Variants in RALYL observed in about 807,000 individuals in gnomAD.
RALYL encodes RALY RNA binding protein like.
A neutral mutation model predicts 35.1 loss-of-function variants in RALYL; 29 were observed. That is an observed-to-expected ratio of 0.83 (90% confidence interval 0.61 to 1.13). The LOEUF (loss-of-function observed/expected upper bound fraction) is 1.13, where lower values mean the gene tolerates loss of function less well. Among genes scored for constraint, RALYL ranks in the 50% most tolerant of loss-of-function variants. The pLI, the probability that RALYL is intolerant of heterozygous loss-of-function variation, is 0.00. For missense variants in RALYL, 359 were observed against 360.4 expected (o/e 1.00, Z 0.03); for synonymous variants, 120 against 127.6 (o/e 0.94, Z 0.40).
At chr8:84,607,769 C>T (rs1386818309) in intron 2 of RALYL, among the ~76,000 whole-genome samples, 1 of 152,036 alleles carries the variant, frequency 6.6e-6, no homozygotes, top group Non-Finnish European at 1.5e-5. Flanking sequence ...AGATCCTCCG[C>T]CCTTCTTGTC....
At chr8:84,820,295 T>G (rs1329715992) in intron 4 of RALYL, among the ~76,000 whole-genome samples, 1 of 152,224 alleles carries the variant, frequency 6.6e-6, no homozygotes, top group Non-Finnish European at 1.5e-5. Flanking sequence ...CTTCATAACA[T>G]GCAAGTCTAA....
rs16912592 is a variant in RALYL, at chr8:84,244,359, A to T, written c.-24+59935A>T. 8.3e-3 allele frequency among the ~76,000 whole-genome samples: 1,264 copies of T among 152,316 alleles called. 23 individuals carry two copies. The highest frequency in any genetic ancestry group is 0.029 in the African/African-American group (1,220 of 41,566). ...ATAATATCTTCCAAATAATTTTGAT[A>T]TACCAAGCAAACAGTGTACATGAGG... On this transcript the variant is annotated intron_variant, in intron 1 of 8. Transcript: ENST00000521268.
rs775724948 is a variant in RALYL, at chr8:84,577,271, GTTGA to G, written c.256+47699_256+47702del. Among the ~76,000 whole-genome samples the G allele has an allele frequency of 3.3e-5, 5 of 152,324 alleles. No individual in the cohort carries two copies. The East Asian group carries it at 5.8e-4, about 18-fold the overall frequency. ...AAGGTACATTCACAAAGTTCAAGTAGTTGATTGACTGAAGCTGAGCAGGAAAGGC... is the reference window on the plus strand; with the variant it reads ...AAGGTACATTCACAAAGTTCAAGTAGTTGACTGAAGCTGAGCAGGAAAGGC... On this transcript the variant is annotated intron_variant, in intron 2 of 8. Coordinates refer to ENST00000521268, the MANE Select transcript of RALYL (RefSeq NM_173848.7).
At position 84,599,915 on chromosome 8, in the gene RALYL, G is replaced by GT. The variant is rs754529728; in HGVS notation, c.256+70354dup. Reference sequence around the variant, plus strand: ...ACTTGTTCAGGGGTTAGCAGGAGGTGTTTTTTTTTTTTTTTTCTTCTGCCA... The same window carrying GT: ...ACTTGTTCAGGGGTTAGCAGGAGGTGTTTTTTTTTTTTTTTTTCTTCTGCCA... On this transcript the variant is annotated intron_variant, in intron 2 of 8. Transcript: ENST00000521268. 3.9e-3 allele frequency among the ~76,000 whole-genome samples: 526 copies of GT among 134,842 alleles called. 1 individual carries two copies. The highest frequency in any genetic ancestry group is 9.1e-3 in the African/African-American group (337 of 37,190). The allele number at this position is 134,842 out of a possible 152,430, so 88.5% of individuals were successfully genotyped here. A position where few individuals can be genotyped will look rare whatever the true frequency, so the allele number is the denominator to read the frequency against.
chr8:84,469,138 C>G (rs560985454), intron 1 of RALYL, among the ~76,000 whole-genome samples: 13 of 152,196 alleles, frequency 8.5e-5, no homozygotes, highest in Non-Finnish European at 1.6e-4. Flanking sequence ...GCCTTCTTCT[C>G]TCAGCTCGTC....
intron 1 of RALYL, among the ~76,000 whole-genome samples, chr8:84,411,529 C>T (rs73304357): frequency 0.03 from 4,487 of 151,584 alleles, 220 homozygotes; most frequent in African/African-American, 0.1. Context: ...TTTAGAAGAA[C>T]AAGAAGTTCC....
chr8:84,785,463 T>G (rs1018612096), intron 3 of RALYL, among the ~76,000 whole-genome samples: 1 of 152,212 alleles, frequency 6.6e-6, no homozygotes, highest in Non-Finnish European at 1.5e-5. Context: ...CATTCTGGGA[T>G]TCTGCTGTTT....
chr8:84,743,005 G>T (rs1045444534), intron 2 of RALYL, among the ~76,000 whole-genome samples: 2 of 151,940 alleles, frequency 1.3e-5, no homozygotes, highest in Admixed American at 6.6e-5. Context: ...CTTTTCTGCT[G>T]CCTGACAGAG....
intron 2 of RALYL, among the ~76,000 whole-genome samples, chr8:84,602,781 T>C (rs542246898): frequency 1.3e-5 from 2 of 152,256 alleles, no homozygotes; most frequent in East Asian, 1.9e-4. Flanking sequence ...CTGGCCCTCG[T>C]TGAACTTACT....
At chr8:84,395,304 C>A (rs1029352558) in intron 1 of RALYL, among the ~76,000 whole-genome samples, 9 of 151,918 alleles carry the variant, frequency 5.9e-5, no homozygotes, top group African/African-American at 2.2e-4. Flanking sequence ...ATTGTGTCCT[C>A]TTATTATTCC....
chr8:84,662,753 T>A (rs926766312), intron 2 of RALYL, among the ~76,000 whole-genome samples: 45 of 152,168 alleles, frequency 3.0e-4, no homozygotes, highest in Admixed American at 1.3e-4. Context: ...TATATAGGCA[T>A]CCACAATTAA....
At chr8:84,890,284 G>A (rs1169797448) in intron 8 of RALYL, among the ~76,000 whole-genome samples, 1 of 152,178 alleles carries the variant, frequency 6.6e-6, no homozygotes, top group Non-Finnish European at 1.5e-5. Context: ...TTAGTCTAAG[G>A]ATGTTGTGGC....
chr8:84,833,641 CAAAAAAA>C (rs548355814), intron 4 of RALYL, among the ~76,000 whole-genome samples: 2 of 70,548 alleles, frequency 2.8e-5, no homozygotes, highest in Admixed American at 1.8e-4. Flanking sequence ...GACTTCGTCT[CAAAAAAA>C]AAAAAAAAAA....
At chr8:84,207,276 G>A (rs138241014) in intron 1 of RALYL, among the ~76,000 whole-genome samples, 2,923 of 151,684 alleles carry the variant, frequency 0.019, 33 homozygotes, top group African/African-American at 0.033. Context: ...GTCCATCAAT[G>A]GATGAATAAA....
chr8:84,625,147 G>T (rs1822449299), intron 2 of RALYL, among the ~76,000 whole-genome samples: 1 of 152,160 alleles, frequency 6.6e-6, no homozygotes. Context: ...CAAGCAAGTT[G>T]ATTTTAATTT....
intron 6 of RALYL, among the ~76,000 whole-genome samples, chr8:84,865,990 C>T (rs773639918): frequency 9.9e-5 from 15 of 152,134 alleles, no homozygotes; most frequent in Non-Finnish European, 2.1e-4. Context: ...TGAAATACAG[C>T]GATAAAGCAT....
chr8:84,342,505 G>A (rs1433662151), intron 1 of RALYL, among the ~76,000 whole-genome samples: 2 of 151,202 alleles, frequency 1.3e-5, no homozygotes, highest in African/African-American at 2.4e-5. Context: ...GCTTGAAGAA[G>A]CGAATTTCTA....
intron 1 of RALYL, among the ~76,000 whole-genome samples, chr8:84,239,253 A>G (rs1401991354): frequency 1.3e-5 from 2 of 152,214 alleles, no homozygotes; most frequent in African/African-American, 4.8e-5. Flanking sequence ...CATAGCTTAT[A>G]ATTCATCCAT....
chr8:84,751,877 G>T (rs1810127086), intron 2 of RALYL, among the ~76,000 whole-genome samples: 1 of 152,110 alleles, frequency 6.6e-6, no homozygotes, highest in African/African-American at 2.4e-5. Flanking sequence ...AAATTACCCA[G>T]TCTCAGGTAG....
Sources: gnomAD v4.1 joint callset for allele counts (sites outside exome capture counted in the v4.1 genomes callset) on GRCh38, gnomAD v4.1.1 for gene constraint, MANE v1.5 for transcripts, NCBI Gene and HGNC (gene_info 2026-07-23, HGNC 2026-07-21) for gene names.